TMEM273: variants seen among roughly 807,000 people sequenced by gnomAD.
TMEM273 encodes the protein transmembrane protein 273, also known as chromosome 10 open reading frame 128.
Under a neutral mutation model 17.9 loss-of-function variants are expected in TMEM273, and 19 were observed. The ratio of observed to expected loss-of-function variants is 1.06; its 90% CI spans 0.74 to 1.55. The LOEUF (loss-of-function observed/expected upper bound fraction) is 1.55, where lower values mean the gene tolerates loss of function less well. Among genes scored for constraint, TMEM273 ranks in the 40% most tolerant of loss-of-function variants. The pLI, the probability that TMEM273 is intolerant of heterozygous loss-of-function variation, is 0.00. For synonymous variants in TMEM273, 66 were observed against 62.0 expected (o/e 1.07, Z -0.31); for missense variants, 194 against 155.6 (o/e 1.25, Z -1.31).
At chr10:49,179,328 C>G (rs1189189337) in intron 1 of TMEM273, among the ~76,000 whole-genome samples, 1 of 152,322 alleles carries the variant, frequency 6.6e-6, no homozygotes, top group East Asian at 1.9e-4. Flanking sequence ...CCAGCTGTGG[C>G]CCTCATCAGG....
At chr10:49,182,411 A>G (rs181322417) in intron 1 of TMEM273, among the ~76,000 whole-genome samples, 3 of 151,446 alleles carry the variant, frequency 2.0e-5, no homozygotes, top group African/African-American at 7.3e-5. Flanking sequence ...ATTAAGGGAG[A>G]AAAAAAAAGA....
intron 2 of TMEM273, among the ~76,000 whole-genome samples, chr10:49,167,569 C>T (rs1846275310): frequency 6.6e-6 from 1 of 152,146 alleles, no homozygotes; most frequent in South Asian, 2.1e-4. Context: ...GGCAGACAGG[C>T]TGGAAGCTCG....
chr10:49,169,369 T>C (rs1467678921), intron 1 of TMEM273, among the ~76,000 whole-genome samples: 1 of 152,220 alleles, frequency 6.6e-6, no homozygotes, highest in Non-Finnish European at 1.5e-5. Context: ...CACTCAGTGA[T>C]GCCCAGAGTG....
chr10:49,183,412 T>C (rs1258424449), intron 1 of TMEM273, among the ~76,000 whole-genome samples: 1 of 151,984 alleles, frequency 6.6e-6, no homozygotes, highest in African/African-American at 2.4e-5. Flanking sequence ...CAATATATTA[T>C]CAAGCAAATA....
chr10:49,174,395 A>G (rs566394767), intron 1 of TMEM273, among the ~76,000 whole-genome samples: 1 of 152,354 alleles, frequency 6.6e-6, no homozygotes, highest in East Asian at 1.9e-4. Context: ...GGCATAGGTC[A>G]TGGGCCTTGG....
intron 1 of TMEM273, among the ~76,000 whole-genome samples, chr10:49,185,336 TC>T (rs1363495625): frequency 6.6e-6 from 1 of 151,966 alleles, no homozygotes; most frequent in Non-Finnish European, 1.5e-5. Context: ...CATCCCAGGG[TC>T]CCCCGGTCAT....
intron 1 of TMEM273, among the ~76,000 whole-genome samples, chr10:49,169,434 G>A (rs1846409561): frequency 6.6e-6 from 1 of 152,218 alleles, no homozygotes; most frequent in Non-Finnish European, 1.5e-5. Flanking sequence ...GTGTTTGGTG[G>A]AGAGAGGAAT....
chr10:49,171,548 C>T (rs565780047), intron 1 of TMEM273, among the ~76,000 whole-genome samples: 1 of 152,344 alleles, frequency 6.6e-6, no homozygotes, highest in South Asian at 2.1e-4. Flanking sequence ...CCATTTGGAC[C>T]TGGTACTCTG....
In TMEM273 at chr10:49,155,535, C is replaced by G; in HGVS notation, c.*357G>C. On this transcript the variant is annotated 3_prime_UTR_variant, in exon 7 of 7. Coordinates refer to ENST00000374153, the MANE Select transcript of TMEM273 (RefSeq NM_001288740.3). ...AAGCTGTGTGTTGGGTCGGATTCCC[C>G]TTTTCATGAGCCATTTTCTGTGGTA... 5.9e-6 allele frequency: 2 copies of G among 338,518 alleles called. No homozygotes were observed. The highest frequency in any genetic ancestry group is 9.1e-5 in the South Asian group (2 of 21,864). 21.0% of individuals were successfully genotyped at this position (338,518 alleles called of 1,614,324 possible).
chr10:49,173,779 T>G (rs1398438396), intron 1 of TMEM273, among the ~76,000 whole-genome samples: 1 of 152,092 alleles, frequency 6.6e-6, no homozygotes, highest in Non-Finnish European at 1.5e-5. Flanking sequence ...AAACCAGAAA[T>G]GGCTTGAAGA....
chr10:49,186,068 G>GGAAGAAGAAGAAGAAGAAGAAGAA lies in TMEM273; in HGVS notation c.43+2202_43+2225dup, dbSNP rs35480919. ...AAGAAGAAGAGGAAGAAGAAGAAGAGGAAGAAGAAGAAGAAGAAGAAGAAG... is the reference window on the plus strand; with the variant it reads ...AAGAAGAAGAGGAAGAAGAAGAAGAGGAAGAAGAAGAAGAAGAAGAAGAAGAAGAAGAAGAAGAAGAAGAAGAAG... On this transcript the variant is annotated intron_variant, in intron 1 of 6. Transcript: ENST00000374153. 1.0e-2 allele frequency among the ~76,000 whole-genome samples: 671 copies of GGAAGAAGAAGAAGAAGAAGAAGAA among 67,134 alleles called. 29 individuals are homozygous for GGAAGAAGAAGAAGAAGAAGAAGAA. The highest frequency in any genetic ancestry group is 0.013 in the Non-Finnish European group (411 of 31,764). 44.0% of individuals were successfully genotyped at this position (67,134 alleles called of 152,430 possible). A position where few individuals can be genotyped will look rare whatever the true frequency, so the allele number is the denominator to read the frequency against.
At chr10:49,187,461 C>CATTG (rs1847796538) in intron 1 of TMEM273, among the ~76,000 whole-genome samples, 1 of 152,212 alleles carries the variant, frequency 6.6e-6, no homozygotes, top group African/African-American at 2.4e-5. Context: ...AGTCTCGGCC[C>CATTG]AGTGCAAGTT....
At chr10:49,171,462 T>A (rs923243805) in intron 1 of TMEM273, among the ~76,000 whole-genome samples, 1 of 152,222 alleles carries the variant, frequency 6.6e-6, no homozygotes, top group Non-Finnish European at 1.5e-5. Context: ...CCTCTGACCA[T>A]AGAAGCTTTT....
chr10:49,175,485 G>A (rs1450378716), intron 1 of TMEM273, among the ~76,000 whole-genome samples: 1 of 152,264 alleles, frequency 6.6e-6, no homozygotes, highest in African/African-American at 2.4e-5. Context: ...TCATAATTAA[G>A]AGGGAAACAA....
At chr10:49,183,262 T>C (rs577135397) in intron 1 of TMEM273, among the ~76,000 whole-genome samples, 2 of 152,180 alleles carry the variant, frequency 1.3e-5, no homozygotes, top group East Asian at 1.9e-4. Context: ...CTGTGGTATA[T>C]ATATTCTTAA....
At chr10:49,169,322 G>A (rs1388393736) in intron 1 of TMEM273, among the ~76,000 whole-genome samples, 1 of 152,224 alleles carries the variant, frequency 6.6e-6, no homozygotes, top group East Asian at 1.9e-4. Flanking sequence ...AAGCATCATA[G>A]CAAAGACATC....
At chr10:49,185,914 G>T (rs1469863818) in intron 1 of TMEM273, among the ~76,000 whole-genome samples, 1 of 151,690 alleles carries the variant, frequency 6.6e-6, no homozygotes, top group Admixed American at 6.6e-5. Context: ...GGAGGTGGAG[G>T]TTGCGGTGAG....
intron 3 of TMEM273, chr10:49,166,448 G>A (rs991232237): frequency 1.2e-5 from 3 of 251,894 alleles, no homozygotes; most frequent in African/African-American, 2.3e-5. Flanking sequence ...GACCAACCTC[G>A]CTGCCTACTG....
chr10:49,186,078 G>GAAGAAT, intron 1 of TMEM273, among the ~76,000 whole-genome samples: 4 of 141,958 alleles, frequency 2.8e-5, no homozygotes, highest in African/African-American at 1.1e-4. Flanking sequence ...GGAAGAAGAA[G>GAAGAAT]AAGAAGAAGA....
Sources: gnomAD v4.1 joint callset for allele counts (sites outside exome capture counted in the v4.1 genomes callset) on GRCh38, gnomAD v4.1.1 for gene constraint, MANE v1.5 for transcripts, NCBI Gene and HGNC (gene_info 2026-07-23, HGNC 2026-07-21) for gene names.